Variants in MAGED1 observed in about 807,000 individuals in gnomAD.
MAGED1 encodes MAGE family member D1.
MAGED1 carries 3 observed loss-of-function variants against 54.1 expected under a neutral mutation model. The observed-to-expected ratio is 0.06, with a 90% CI of 0.03 to 0.14. The LOEUF (loss-of-function observed/expected upper bound fraction) is 0.14. Among genes scored for constraint, MAGED1 ranks in the 10% least tolerant of loss-of-function variants. MAGED1 has a pLI of 1.00. For synonymous variants in MAGED1, 217 were observed against 227.3 expected, an observed-to-expected ratio of 0.95 and a Z score of 0.41; for missense variants, 485 against 623.4, an observed-to-expected ratio of 0.78 and a Z score of 2.36.
intron 2 of MAGED1, 162 bp from the exon 3 acceptor site, chrX:51,894,891 G>T: frequency 2.1e-6 from 2 of 935,873 alleles, no homozygotes; most frequent in Non-Finnish European, 2.9e-6. Context: ...GTCCCCCATC[G>T]CCCCTCGCGG....
chrX:51,851,929 T>G (rs1182443900), intron 1 of MAGED1, among the ~76,000 whole-genome samples: 1 of 111,966 alleles, frequency 8.9e-6, no homozygotes, highest in Non-Finnish European at 1.9e-5. Flanking sequence ...AACTACAACT[T>G]TACTACCAGA....
chrX:51,900,116 A>G (rs1035177012), intron 10 of MAGED1, 66 bp from the exon 11 acceptor site: 1 of 689,755 alleles, frequency 1.4e-6, no homozygotes, highest in East Asian at 3.3e-5. Context: ...ATGTAAGATT[A>G]TTTTTCATTA....
chrX:51,826,379 C>T (rs1925852189), intron 1 of MAGED1, among the ~76,000 whole-genome samples: 1 of 111,718 alleles, frequency 9.0e-6, no homozygotes, highest in East Asian at 2.8e-4. Context: ...TATTTAGATT[C>T]GTGATCCATT....
chrX:51,821,623 C>T (rs1274860833), intron 1 of MAGED1, among the ~76,000 whole-genome samples: 1 of 111,508 alleles, frequency 9.0e-6, no homozygotes, highest in Non-Finnish European at 1.9e-5. Context: ...CACCTGGACT[C>T]AAGCAACCTG....
At chrX:51,842,760 A>G (rs1926543594) in intron 1 of MAGED1, among the ~76,000 whole-genome samples, 1 of 111,112 alleles carries the variant, frequency 9.0e-6, no homozygotes, top group South Asian at 3.9e-4. Context: ...GTCTTGGCTC[A>G]CTGCATCCTC....
rs1282285471 is a variant in MAGED1, at chrX:51,897,529, C to T, written c.1487-18C>T. On this transcript the variant is annotated intron_variant, in intron 5 of 12. Coordinates refer to ENST00000326587, the MANE Select transcript of MAGED1 (RefSeq NM_006986.4). ...TGGCCCCCGCTCGGCTCAGATGGCT[C>T]CCTCCTCTCTCCTACAGAAATGCTG... The T allele has an allele frequency of 7.6e-5, 89 of 1,174,890 alleles. No homozygotes were observed. Among genetic ancestry groups the T allele is most frequent in the South Asian group, 3.2e-4 (18 of 55,718 alleles).
chrX:51,826,216 A>G (rs186068820), intron 1 of MAGED1, among the ~76,000 whole-genome samples: 1 of 112,107 alleles, frequency 8.9e-6, no homozygotes, highest in Non-Finnish European at 1.9e-5. Flanking sequence ...GTTTTATTAG[A>G]TGTCTCTTTG....
At chrX:51,851,985 G>A (rs1926911377) in intron 1 of MAGED1, among the ~76,000 whole-genome samples, 1 of 111,799 alleles carries the variant, frequency 8.9e-6, no homozygotes, top group African/African-American at 3.3e-5. Context: ...GACAAACGTA[G>A]TTTAAACCAC....
chrX:51,880,667 T>A (rs1557362411), intron 1 of MAGED1, among the ~76,000 whole-genome samples: 1 of 111,116 alleles, frequency 9.0e-6, no homozygotes, highest in Non-Finnish European at 1.9e-5. Context: ...ACCACGGTGG[T>A]CTTATCTCAA....
chrX:51,831,551 T>A (rs1264137051), intron 1 of MAGED1, among the ~76,000 whole-genome samples: 2 of 111,910 alleles, frequency 1.8e-5, no homozygotes, highest in African/African-American at 6.5e-5. Flanking sequence ...AAGTGAAGGC[T>A]GCAGTGAGCT....
intron 1 of MAGED1, among the ~76,000 whole-genome samples, chrX:51,844,679 T>A (rs1290525617): frequency 9.0e-6 from 1 of 111,672 alleles, no homozygotes; most frequent in Non-Finnish European, 1.9e-5. Flanking sequence ...GGAAGAGGGC[T>A]TTGTGAAGAG....
chrX:51,830,561 A>C (rs781933498), intron 1 of MAGED1, among the ~76,000 whole-genome samples: 50 of 110,763 alleles, frequency 4.5e-4, no homozygotes, highest in South Asian at 3.9e-3. Flanking sequence ...AGAGGAAAAA[A>C]AAAAAAGGTA....
chrX:51,855,256 A>T (rs1927043319), intron 1 of MAGED1, among the ~76,000 whole-genome samples: 1 of 112,537 alleles, frequency 8.9e-6, no homozygotes, highest in Admixed American at 9.4e-5. Context: ...TTATAAAAGT[A>T]GAGACATGCT....
At chrX:51,855,876 G>T (rs1051324549) in intron 1 of MAGED1, among the ~76,000 whole-genome samples, 5 of 111,585 alleles carry the variant, frequency 4.5e-5, no homozygotes, top group Non-Finnish European at 9.4e-5. Flanking sequence ...GAACTCTAAT[G>T]ATGTCATTTT....
chrX:51,895,282 A>G lies in MAGED1; in HGVS notation c.275A>G (p.Tyr92Cys), dbSNP rs151112988. The change falls in exon 3 of 13, where the codon TAT (tyrosine) becomes TGT (cysteine). Residue 92 changes from tyrosine (Y) to cysteine (C), a missense_variant. Transcript: ENST00000326587. ...ACCACAAAAGGCCCAAATGGTGTCTATGATTTCTCTCAGGCTCATAATGCC... is the reference window on the plus strand; with the variant it reads ...ACCACAAAAGGCCCAAATGGTGTCTGTGATTTCTCTCAGGCTCATAATGCC... ...NATTKGPNGV[Y>C]DFSQAHNAKD... The G allele has an allele frequency of 4.5e-5, 54 of 1,209,762 alleles. No homozygotes were observed. The highest frequency in any genetic ancestry group is 5.7e-5 in the Non-Finnish European group (51 of 895,069).
upstream of MAGED1, among the ~76,000 whole-genome samples, chrX:51,892,739 C>A (rs1203415252): frequency 9.0e-6 from 1 of 111,302 alleles, no homozygotes; most frequent in Non-Finnish European, 1.9e-5. Context: ...GGAGGGGTAC[C>A]CTTAGTCCCC....
chrX:51,814,295 G>A (rs957507959), intron 1 of MAGED1, among the ~76,000 whole-genome samples: 1 of 111,313 alleles, frequency 9.0e-6, no homozygotes, highest in African/African-American at 3.3e-5. Context: ...TGCTACCGCC[G>A]CCGCCGCTGC....
intron 1 of MAGED1, among the ~76,000 whole-genome samples, chrX:51,873,748 G>A (rs1927776937): frequency 9.0e-6 from 1 of 110,650 alleles, no homozygotes; most frequent in Non-Finnish European, 1.9e-5. Flanking sequence ...TTGTTCCTTG[G>A]TCCTTGGTAT....
chrX:51,814,840 T>TA (rs1172081279), intron 1 of MAGED1, among the ~76,000 whole-genome samples: 12 of 108,565 alleles, frequency 1.1e-4, no homozygotes, highest in Non-Finnish European at 1.7e-4. Context: ...TTGATAATGA[T>TA]AAAAAAACAG....
Sources: allele counts gnomAD v4.1 joint callset (sites outside exome capture counted in the v4.1 genomes callset), GRCh38; gene constraint gnomAD v4.1.1; transcripts MANE v1.5; gene names NCBI Gene and HGNC (gene_info 2026-07-23, HGNC 2026-07-21).